The following FRMPD4 variants were observed in gnomAD, a reference collection of about 807,000 sequenced individuals.
The protein encoded by FRMPD4 is FERM and PDZ domain containing 4, also known as FERM and PDZ domain-containing protein 4.
A neutral mutation model predicts 94.1 loss-of-function variants in FRMPD4; 22 were observed. The observed-to-expected ratio is 0.23, with a 90% CI of 0.17 to 0.33. The LOEUF is 0.33. Ranked by LOEUF, FRMPD4 falls within the 10% of genes least tolerant of loss-of-function variation. FRMPD4 has a pLI of 1.00. For synonymous variants in FRMPD4, 631 were observed against 548.6 expected (o/e 1.15, Z -2.10); for missense variants, 1,111 against 1,339.9 (o/e 0.83, Z 2.67).
intron 2 of FRMPD4, among the ~76,000 whole-genome samples, chrX:12,560,597 T>A (rs1284438862): frequency 1.8e-5 from 2 of 110,436 alleles, no homozygotes; most frequent in African/African-American, 6.6e-5. Context: ...AAAATGTTTA[T>A]TTCCAACAGT....
chrX:12,680,966 T>C (rs1368114440), intron 5 of FRMPD4, among the ~76,000 whole-genome samples: 1 of 111,425 alleles, frequency 9.0e-6, no homozygotes, highest in African/African-American at 3.3e-5. Context: ...TAAGGTTATA[T>C]CAAATGATAT....
At chrX:12,458,198 A>T (rs907756678) in intron 1 of FRMPD4, among the ~76,000 whole-genome samples, 2 of 111,376 alleles carry the variant, frequency 1.8e-5, no homozygotes, top group African/African-American at 6.6e-5. Context: ...ATTGCTAAGA[A>T]GATAATGCAC....
chrX:12,033,117 G>C (rs1240958559), intron 3 of FRMPD4, among the ~76,000 whole-genome samples: 2 of 112,263 alleles, frequency 1.8e-5, no homozygotes, highest in African/African-American at 6.5e-5. Context: ...GCATCTTGGT[G>C]TAAGTGGTGT....
intron 1 of FRMPD4, among the ~76,000 whole-genome samples, chrX:12,408,425 A>G (rs915881616): frequency 2.7e-5 from 3 of 111,060 alleles, no homozygotes; most frequent in Non-Finnish European, 5.7e-5. Flanking sequence ...CTTTGTACAT[A>G]TTAAGTTTTC....
chrX:12,711,466 A>C (rs1183193368), intron 14 of FRMPD4, among the ~76,000 whole-genome samples: 2 of 112,046 alleles, frequency 1.8e-5, no homozygotes, highest in Non-Finnish European at 3.8e-5. Flanking sequence ...AAAGATCCCC[A>C]CAACGAGGAC....
intron 14 of FRMPD4, 68 bp from the exon 15 acceptor site, chrX:12,716,001 T>TGGCGCC: frequency 4.3e-6 from 1 of 231,654 alleles, no homozygotes; most frequent in Non-Finnish European, 8.2e-6. Flanking sequence ...GAGACGAGCC[T>TGGCGCC]CCCACCCCCG....
chrX:12,024,345 A>G (rs2054648184), intron 3 of FRMPD4, among the ~76,000 whole-genome samples: 1 of 112,261 alleles, frequency 8.9e-6, no homozygotes, highest in Non-Finnish European at 1.9e-5. Context: ...ACCATTGTAC[A>G]GATGAGAAAA....
intron 3 of FRMPD4, among the ~76,000 whole-genome samples, chrX:11,910,937 C>CAAA (rs371287212): frequency 1.1e-5 from 1 of 89,740 alleles, no homozygotes; most frequent in African/African-American, 3.9e-5. Context: ...CCCCTGCCCA[C>CAAA]AAAAAAAAAA....
At chrX:12,028,424 A>T (rs2054673018) in intron 3 of FRMPD4, among the ~76,000 whole-genome samples, 1 of 111,353 alleles carries the variant, frequency 9.0e-6, no homozygotes, top group South Asian at 3.9e-4. Flanking sequence ...CTTCGCCATT[A>T]TCAGCATCTC....
At chrX:12,687,785 T>C (rs2060040705) in intron 7 of FRMPD4, among the ~76,000 whole-genome samples, 1 of 112,075 alleles carries the variant, frequency 8.9e-6, no homozygotes, top group Admixed American at 9.4e-5. Flanking sequence ...ACAATATGCA[T>C]CAAGTACTGC....
chrX:12,122,710 A>G (rs150745413), intron 3 of FRMPD4, among the ~76,000 whole-genome samples: 1 of 111,019 alleles, frequency 9.0e-6, no homozygotes, highest in African/African-American at 3.3e-5. Context: ...AGGTTTGCCA[A>G]TAATTGTATA....
intron 1 of FRMPD4, among the ~76,000 whole-genome samples, chrX:12,277,874 C>A (rs1327319093): frequency 8.9e-6 from 1 of 112,048 alleles, no homozygotes; most frequent in Admixed American, 9.4e-5. Flanking sequence ...AGGTGGCTAT[C>A]GTGTTGGACA....
intron 2 of FRMPD4, chrX:12,583,373 C>G (rs1220693712): frequency 1.1e-6 from 1 of 887,015 alleles, no homozygotes; most frequent in Non-Finnish European, 1.6e-6. Flanking sequence ...CCGGCTGAGA[C>G]GGCCGGTCCA....
At chrX:12,528,945 G>A (rs1320284584) in intron 2 of FRMPD4, among the ~76,000 whole-genome samples, 1 of 112,364 alleles carries the variant, frequency 8.9e-6, no homozygotes, top group Non-Finnish European at 1.9e-5. Context: ...AACCTACCCA[G>A]ACTGGTTCTC....
At chrX:12,691,386 G>A (rs1395580895) in intron 8 of FRMPD4, among the ~76,000 whole-genome samples, 4 of 110,637 alleles carry the variant, frequency 3.6e-5, no homozygotes, top group African/African-American at 1.3e-4. Flanking sequence ...GGGCTCAAAC[G>A]ATCCTTCCAC....
chrX:12,125,012 T>C (rs2055487427), intron 3 of FRMPD4, among the ~76,000 whole-genome samples: 1 of 112,151 alleles, frequency 8.9e-6, no homozygotes, highest in African/African-American at 3.2e-5. Context: ...CTCGTTTCCG[T>C]TGAGATACAG....
chrX:11,860,573 T>C (rs2053680729), intron 1 of FRMPD4, among the ~76,000 whole-genome samples: 1 of 112,411 alleles, frequency 8.9e-6, no homozygotes, highest in Non-Finnish European at 1.9e-5. Context: ...ATTAGTATTG[T>C]GTTCTCCCTC....
intron 1 of FRMPD4, among the ~76,000 whole-genome samples, chrX:12,243,771 C>T (rs2053912588): frequency 1.2e-5 from 1 of 82,647 alleles, no homozygotes; most frequent in South Asian, 8.4e-4. Flanking sequence ...GGAGCAGAAA[C>T]AGTTGTCCAT....
intron 1 of FRMPD4, among the ~76,000 whole-genome samples, chrX:12,218,746 T>G (rs1334395227): frequency 8.9e-6 from 1 of 112,126 alleles, no homozygotes; most frequent in East Asian, 2.8e-4. Flanking sequence ...TTTTAAACTA[T>G]GCCCCAGGTT....
Sources: allele counts gnomAD v4.1 joint callset (sites outside exome capture counted in the v4.1 genomes callset), GRCh38; gene constraint gnomAD v4.1.1; transcripts MANE v1.5; gene names NCBI Gene and HGNC (gene_info 2026-07-23, HGNC 2026-07-21).